LRRFIP1: variants seen among roughly 807,000 people sequenced by gnomAD.
The protein encoded by LRRFIP1 is leucine-rich repeat flightless-interacting protein 1.
In LRRFIP1, 62 loss-of-function variants were observed where a neutral mutation model predicts 104.4. That is an observed-to-expected ratio of 0.59 (90% CI 0.48 to 0.73). The LOEUF (loss-of-function observed/expected upper bound fraction) is 0.73. LRRFIP1 is among the 30% of genes least tolerant of loss of function. The probability of loss-of-function intolerance (pLI) is 0.00; values close to 1 mark genes in which losing one functional copy is unlikely to be tolerated. For missense variants in LRRFIP1, 796 were observed against 824.5 expected (o/e 0.97, Z 0.42); for synonymous variants, 300 against 299.0 (o/e 1.00, Z -0.03).
intron 1 of LRRFIP1, among the ~76,000 whole-genome samples, chr2:237,633,602 A>T (rs1053060165): frequency 3.3e-5 from 5 of 152,174 alleles, no homozygotes; most frequent in Middle Eastern, 3.4e-3. Flanking sequence ...ACGGGAAAGG[A>T]GAGAGGGGCG....
At position 237,691,822 on chromosome 2, in the gene LRRFIP1, T is replaced by C. The variant is rs2092782037; in HGVS notation, c.97-16722T>C. 1.3e-5 allele frequency among the ~76,000 whole-genome samples: 2 copies of C among 152,116 alleles called. No individual in the cohort carries two copies. Among genetic ancestry groups the C allele is most frequent in the Admixed American group, 6.5e-5 (1 of 15,284 alleles). On this transcript the variant is annotated intron_variant, in intron 1 of 23. Transcript: ENST00000308482. This position sits in a 1 kb window ranked among gnomAD's most constrained non-coding sequence, Gnocchi z 5.4. ...GAGGGGTCTTTTCCTCCAGGTCCTC[T>C]TTCCGGCGGGGGCCGGAGGGGTGGT...
chr2:237,663,709 G>A (rs964550872), intron 1 of LRRFIP1, among the ~76,000 whole-genome samples: 1 of 152,238 alleles, frequency 6.6e-6, no homozygotes, highest in African/African-American at 2.4e-5. Flanking sequence ...GTGATGTTGC[G>A]TTATCACTCA....
At chr2:237,673,897 C>T (rs2090739867) in intron 1 of LRRFIP1, among the ~76,000 whole-genome samples, 1 of 145,774 alleles carries the variant, frequency 6.9e-6, no homozygotes, top group Admixed American at 6.9e-5. Context: ...TGGGCGTTTC[C>T]TGACACTAAG....
chr2:237,692,545 C>CT, intron 1 of LRRFIP1: 1 of 1,499,466 alleles, frequency 6.7e-7, no homozygotes, highest in South Asian at 1.2e-5. Context: ...GCTTCCGAAA[C>CT]TTTCTTTCGT....
intron 14 of LRRFIP1, 81 bp from the exon 15 acceptor site, chr2:237,753,227 GT>G (rs3832061): frequency 0.25 from 275,246 of 1,084,636 alleles, 37,214 homozygotes; most frequent in East Asian, 0.55. Context: ...AGGACTGAGG[GT>G]TTTTTTTTAA....
At chr2:237,653,781 T>C (rs906798314) in intron 1 of LRRFIP1, among the ~76,000 whole-genome samples, 17 of 152,210 alleles carry the variant, frequency 1.1e-4, no homozygotes, top group Non-Finnish European at 2.4e-4. Flanking sequence ...CAATAAGTGA[T>C]GTTGGGGAAA....
rs3769077 is a variant in LRRFIP1 at position 237,735,347 on chromosome 2, G to T, written c.555+14G>T. The stretch of plus-strand genomic sequence containing the variant: ...GGCTCCCGTGCTGTAAGGCGCTTTC[G>T]GTGATACCTCCTTTCCCCCGTGCCT... On this transcript the variant is annotated intron_variant, in intron 10 of 23. Coordinates refer to ENST00000308482, the MANE Select transcript of LRRFIP1 (RefSeq NM_001137550.2). This position sits in a 1 kb window ranked among gnomAD's most constrained non-coding sequence, Gnocchi z 4.6. 4.3e-6 allele frequency: 7 copies of T among 1,611,176 alleles called. No homozygotes were observed. Among genetic ancestry groups the T allele is most frequent in the Non-Finnish European group, 5.9e-6 (7 of 1,179,432 alleles).
chr2:237,753,095 A>G (rs2058830291), intron 14 of LRRFIP1, among the ~76,000 whole-genome samples: 1 of 152,190 alleles, frequency 6.6e-6, no homozygotes, highest in African/African-American at 2.4e-5. Flanking sequence ...CATTGCTTTT[A>G]ATAGTGAATT....
intron 1 of LRRFIP1, among the ~76,000 whole-genome samples, chr2:237,629,391 A>T (rs2082020611): frequency 6.6e-6 from 1 of 151,740 alleles, no homozygotes; most frequent in South Asian, 2.1e-4. Flanking sequence ...TCTTGATGTC[A>T]GTGGTTATGG....
intron 1 of LRRFIP1, among the ~76,000 whole-genome samples, chr2:237,659,378 G>A (rs1296118910): frequency 3.3e-5 from 5 of 151,876 alleles, no homozygotes; most frequent in African/African-American, 4.8e-5. Context: ...TTACAGGCAA[G>A]AGCCACTGTG....
At chr2:237,681,626 C>A (rs1455217394) in intron 1 of LRRFIP1, among the ~76,000 whole-genome samples, 1 of 149,798 alleles carries the variant, frequency 6.7e-6, no homozygotes, top group Non-Finnish European at 1.5e-5. Context: ...CTCAGCCTCC[C>A]AAAGTACTGG....
Position 237,763,671 on chromosome 2 carries a change from A to G in LRRFIP1, c.1459+3466A>G. 6.2e-7 allele frequency: 1 copy of G among 1,614,196 alleles called. No individual in the cohort carries two copies. Among genetic ancestry groups the G allele is most frequent in the Non-Finnish European group, 8.5e-7 (1 of 1,180,026 alleles). ...CCGGAGAATCCTAAAATTAAGTTGG[A>G]TGGAAAACTTGACCAAGAAGGTGAT... On this transcript the variant is annotated intron_variant, in intron 19 of 23. Coordinates refer to ENST00000308482, the MANE Select transcript of LRRFIP1 (RefSeq NM_001137550.2).
intron 11 of LRRFIP1, among the ~76,000 whole-genome samples, chr2:237,748,019 C>T (rs2058099263): frequency 6.6e-6 from 1 of 152,206 alleles, no homozygotes; most frequent in Non-Finnish European, 1.5e-5. Context: ...CCTCTTGTCC[C>T]GAGACACCCT....
At chr2:237,778,551 C>T (rs1479285179) in intron 23 of LRRFIP1, among the ~76,000 whole-genome samples, 3 of 152,226 alleles carry the variant, frequency 2.0e-5, no homozygotes, top group Admixed American at 6.5e-5. Flanking sequence ...GGACCACCTT[C>T]GCCATGCAGT....
chr2:237,684,712 A>T (rs1246330436), intron 1 of LRRFIP1, among the ~76,000 whole-genome samples: 2 of 152,082 alleles, frequency 1.3e-5, no homozygotes, highest in African/African-American at 4.8e-5. Flanking sequence ...TGCCTGTAAG[A>T]CTGAGAAATA....
chr2:237,780,053 T>A lies in LRRFIP1; in HGVS notation c.*521T>A, dbSNP rs2061397086. On this transcript the variant is annotated 3_prime_UTR_variant, in exon 24 of 24. Coordinates refer to ENST00000308482, the MANE Select transcript of LRRFIP1 (RefSeq NM_001137550.2). ...CAAGCCATTACCAAGCAAAACTCTTTCACTGGAAACAAGGGGGCAGTCTAG... is the reference window on the plus strand; with the variant it reads ...CAAGCCATTACCAAGCAAAACTCTTACACTGGAAACAAGGGGGCAGTCTAG... The A allele has an allele frequency of 6.6e-6, 1 of 152,316 alleles. No individual in the cohort carries two copies. Among genetic ancestry groups the A allele is most frequent in the African/African-American group, 2.4e-5 (1 of 41,460 alleles). 9.4% of individuals were successfully genotyped at this position (152,316 alleles called of 1,614,324 possible).
intron 1 of LRRFIP1, among the ~76,000 whole-genome samples, chr2:237,666,939 T>G (rs986618719): frequency 5.5e-4 from 83 of 150,262 alleles, no homozygotes; most frequent in South Asian, 2.5e-3. Flanking sequence ...TTTCTTTCTT[T>G]CTTTCTTTTT....
chr2:237,634,421 A>G (rs939393798), intron 1 of LRRFIP1, among the ~76,000 whole-genome samples: 2 of 152,188 alleles, frequency 1.3e-5, no homozygotes, highest in East Asian at 3.9e-4. Flanking sequence ...GCTTAAGAAT[A>G]TGGGTGCTAG....
At chr2:237,729,718 G>GT in intron 8 of LRRFIP1, 1 of 802,430 alleles carries the variant, frequency 1.2e-6, no homozygotes, top group Non-Finnish European at 1.5e-6. Flanking sequence ...TGGGATGGGG[G>GT]TGCTTTTGGA....
Sources: gnomAD v4.1 joint callset for allele counts (sites outside exome capture counted in the v4.1 genomes callset) on GRCh38, gnomAD v4.1.1 for gene constraint, Gnocchi (gnomAD v3.1) non-coding constraint, MANE v1.5 for transcripts, NCBI Gene and HGNC (gene_info 2026-07-23, HGNC 2026-07-21) for gene names.